The following PPP1R14C variants were observed in gnomAD, a reference collection of about 807,000 sequenced individuals.
PPP1R14C encodes protein phosphatase 1 regulatory inhibitor subunit 14C, also known as protein phosphatase 1 regulatory subunit 14C.
Under a neutral mutation model 20.4 loss-of-function variants are expected in PPP1R14C, and 16 were observed. The observed-to-expected ratio is 0.78, with a 90% CI of 0.53 to 1.19. The LOEUF (loss-of-function observed/expected upper bound fraction) is 1.19. Among genes scored for constraint, PPP1R14C ranks in the 50% most tolerant of loss-of-function variants. The pLI, the probability that PPP1R14C is intolerant of heterozygous loss-of-function variation, is 0.00. For synonymous variants in PPP1R14C, 91 were observed against 91.0 expected, an observed-to-expected ratio of 1.00 and a Z score of 0.00; for missense variants, 211 against 220.1, an observed-to-expected ratio of 0.96 and a Z score of 0.26.
chr6:150,184,649 C>A (rs969855991), intron 1 of PPP1R14C, among the ~76,000 whole-genome samples: 1 of 151,988 alleles, frequency 6.6e-6, no homozygotes, highest in African/African-American at 2.4e-5. Context: ...GCCAAAAATG[C>A]GGACAAGTGG....
chr6:150,230,516 C>T (rs1778281552), intron 3 of PPP1R14C, among the ~76,000 whole-genome samples: 1 of 152,150 alleles, frequency 6.6e-6, no homozygotes, highest in African/African-American at 2.4e-5. Context: ...CTCCCGTCCC[C>T]CCACCCTCTG....
chr6:150,171,155 T>C (rs538130139), intron 1 of PPP1R14C, among the ~76,000 whole-genome samples: 1 of 152,304 alleles, frequency 6.6e-6, no homozygotes, highest in South Asian at 2.1e-4. Flanking sequence ...GTGCTGTACA[T>C]TCCATGGGTT....
intron 3 of PPP1R14C, among the ~76,000 whole-genome samples, chr6:150,242,018 G>A (rs1778437663): frequency 6.6e-6 from 1 of 152,224 alleles, no homozygotes; most frequent in African/African-American, 2.4e-5. Flanking sequence ...TGTGTTGAGT[G>A]TGGGAGTAGG....
chr6:150,248,921 G>GT lies in PPP1R14C; in HGVS notation c.*106dup, dbSNP rs201048948. On this transcript the variant is annotated 3_prime_UTR_variant, in exon 4 of 4. Coordinates refer to ENST00000361131, the MANE Select transcript of PPP1R14C (RefSeq NM_030949.3). ...AAGAATAGGTGTCCTTATGAACAAC[G>GT]TTTTTGTTTTTTTTTTTTTCTTTTT... is the stretch of plus-strand genomic sequence containing the variant. 5.2e-4 allele frequency: 277 copies of GT among 534,378 alleles called. No individual in the cohort carries two copies. The highest frequency in any genetic ancestry group is 2.4e-3 in the East Asian group (72 of 29,762). The allele number at this position is 534,378 out of a possible 1,614,324, so 33.1% of individuals were successfully genotyped here.
rs1777219197 is a variant in PPP1R14C at position 150,149,443 on chromosome 6, ATTTTTTTTTTTCTTTTTTTTT to A, written c.306+5957_306+5977del. Among the ~76,000 whole-genome samples, 5 of 119,948 alleles carry A rather than the reference ATTTTTTTTTTTCTTTTTTTTT, an allele frequency of 4.2e-5. 1 individual carries two copies. The highest frequency in any genetic ancestry group is 5.1e-4 in the South Asian group (2 of 3,914). 78.7% of individuals were successfully genotyped at this position (119,948 alleles called of 152,430 possible). A position where few individuals can be genotyped will look rare whatever the true frequency, so the allele number is the denominator to read the frequency against. Reference sequence around the variant, plus strand: ...CAGGCTCAAGTGATCCTCCCACCTAATTTTTTTTTTTCTTTTTTTTTTTTTTTTTTTTTTTGTGGAGACAAG... The same window carrying A: ...CAGGCTCAAGTGATCCTCCCACCTAATTTTTTTTTTTTTTGTGGAGACAAG... On this transcript the variant is annotated intron_variant, in intron 1 of 3. Coordinates refer to ENST00000361131, the MANE Select transcript of PPP1R14C (RefSeq NM_030949.3).
At chr6:150,147,376 C>T (rs1439359691) in intron 1 of PPP1R14C, among the ~76,000 whole-genome samples, 2 of 152,036 alleles carry the variant, frequency 1.3e-5, no homozygotes, top group Admixed American at 1.3e-4. Context: ...GACAGGGTTT[C>T]ACTATGTTGG....
chr6:150,236,902 C>T (rs550122001), intron 3 of PPP1R14C, among the ~76,000 whole-genome samples: 4 of 152,102 alleles, frequency 2.6e-5, no homozygotes, highest in East Asian at 3.9e-4. Context: ...CCAGGCAGGA[C>T]GGAGAGCCTG....
intron 1 of PPP1R14C, among the ~76,000 whole-genome samples, chr6:150,188,329 A>G (rs1777700249): frequency 6.6e-6 from 1 of 152,232 alleles, no homozygotes; most frequent in Admixed American, 6.5e-5. Flanking sequence ...ACAAATGTTT[A>G]TACAACACAT....
At chr6:150,200,904 G>A (rs984576206) in intron 1 of PPP1R14C, among the ~76,000 whole-genome samples, 1 of 152,144 alleles carries the variant, frequency 6.6e-6, no homozygotes, top group South Asian at 2.1e-4. Flanking sequence ...ACCAGGGCTT[G>A]AATGTGTTGG....
chr6:150,172,927 T>A (rs1196083709), intron 1 of PPP1R14C, among the ~76,000 whole-genome samples: 1 of 152,136 alleles, frequency 6.6e-6, no homozygotes, highest in Non-Finnish European at 1.5e-5. Context: ...TGCTGCCTTA[T>A]AAGCCACTCA....
chr6:150,193,958 C>T (rs1777774509), intron 1 of PPP1R14C, among the ~76,000 whole-genome samples: 1 of 152,034 alleles, frequency 6.6e-6, no homozygotes, highest in Admixed American at 6.5e-5. Context: ...TGGGAGGGAC[C>T]CTGTGGGAGA....
intron 3 of PPP1R14C, among the ~76,000 whole-genome samples, chr6:150,234,848 CAAAAAAA>C (rs56139981): frequency 0.014 from 599 of 41,790 alleles, 2 homozygotes; most frequent in Middle Eastern, 0.065. Flanking sequence ...GACTCTGTCT[CAAAAAAA>C]AAAAAAAAAA....
chr6:150,150,509 C>G (rs1777233054), intron 1 of PPP1R14C, among the ~76,000 whole-genome samples: 1 of 152,142 alleles, frequency 6.6e-6, no homozygotes, highest in Non-Finnish European at 1.5e-5. Flanking sequence ...CCTGGCAGCC[C>G]CTGGTCTCCC....
At chr6:150,222,352 T>A (rs1049136540) in intron 3 of PPP1R14C, among the ~76,000 whole-genome samples, 2 of 152,188 alleles carry the variant, frequency 1.3e-5, no homozygotes, top group African/African-American at 4.8e-5. Flanking sequence ...TCCAATATGC[T>A]CACTCCCATC....
At chr6:150,151,311 G>C (rs139704725) in intron 1 of PPP1R14C, among the ~76,000 whole-genome samples, 1 of 152,078 alleles carries the variant, frequency 6.6e-6, no homozygotes, top group Non-Finnish European at 1.5e-5. Flanking sequence ...CTCAGTGGGC[G>C]GCAGGCGCTG....
chr6:150,205,617 A>G (rs1401718087), intron 1 of PPP1R14C, among the ~76,000 whole-genome samples: 1 of 151,950 alleles, frequency 6.6e-6, no homozygotes, highest in Admixed American at 6.6e-5. Flanking sequence ...ACATGGTGAT[A>G]CCCCGTCTCT....
intron 3 of PPP1R14C, among the ~76,000 whole-genome samples, chr6:150,226,999 G>T (rs1304360387): frequency 6.6e-6 from 1 of 152,222 alleles, no homozygotes; most frequent in Non-Finnish European, 1.5e-5. Context: ...TAAGAAGGCA[G>T]AGTTTCCTTC....
At chr6:150,209,114 G>A (rs1024177572) in intron 1 of PPP1R14C, among the ~76,000 whole-genome samples, 6 of 152,182 alleles carry the variant, frequency 3.9e-5, no homozygotes, top group Middle Eastern at 3.4e-3. Context: ...GCCACCCCAC[G>A]TTTCTCCATC....
At chr6:150,219,399 A>G (rs1778139439) in intron 3 of PPP1R14C, among the ~76,000 whole-genome samples, 1 of 151,958 alleles carries the variant, frequency 6.6e-6, no homozygotes, top group Non-Finnish European at 1.5e-5. Context: ...TATTTTTAGT[A>G]GAGATGGGGT....
Sources: allele counts gnomAD v4.1 joint callset (sites outside exome capture counted in the v4.1 genomes callset), GRCh38; gene constraint gnomAD v4.1.1; transcripts MANE v1.5; gene names NCBI Gene and HGNC (gene_info 2026-07-23, HGNC 2026-07-21).